SLCO1B1: variants seen among roughly 807,000 people sequenced by gnomAD.
SLCO1B1 encodes the protein solute carrier organic anion transporter family member 1B1.
Under a neutral mutation model 70.1 loss-of-function variants are expected in SLCO1B1, and 81 were observed. The observed-to-expected ratio is 1.16, with a 90% confidence interval of 0.97 to 1.39. SLCO1B1 has a LOEUF of 1.39. Ranked by LOEUF, SLCO1B1 falls within the 40% of genes most tolerant of loss-of-function variation. SLCO1B1 has a pLI of 0.00. For synonymous variants in SLCO1B1, 283 were observed against 271.5 expected (o/e 1.04, Z -0.42); for missense variants, 895 against 799.6 (o/e 1.12, Z -1.44).
At chr12:21,238,517 G>C in intron 14 of SLCO1B1, among the ~76,000 whole-genome samples, 1 of 150,946 alleles carries the variant, frequency 6.6e-6, no homozygotes, top group East Asian at 1.9e-4. Context: ...TTTCATTACA[G>C]TTAAGCATAA....
At chr12:21,147,893 T>C (rs1355287421) in intron 2 of SLCO1B1, among the ~76,000 whole-genome samples, 1 of 152,224 alleles carries the variant, frequency 6.6e-6, no homozygotes, top group Non-Finnish European at 1.5e-5. Context: ...GACTTTTTAA[T>C]GATCGCTTCC....
intron 14 of SLCO1B1, among the ~76,000 whole-genome samples, chr12:21,235,611 T>C (rs1243858997): frequency 6.6e-6 from 1 of 151,990 alleles, no homozygotes. Context: ...GCTTTATAGT[T>C]GCAATTGTGT....
chr12:21,136,101 G>T (rs1940217041), intron 1 of SLCO1B1, among the ~76,000 whole-genome samples: 1 of 152,100 alleles, frequency 6.6e-6, no homozygotes, highest in African/African-American at 2.4e-5. Flanking sequence ...GCTTCGTTTG[G>T]CTGGATATGA....
At chr12:21,153,911 A>G (rs1940506001) in intron 2 of SLCO1B1, among the ~76,000 whole-genome samples, 1 of 151,986 alleles carries the variant, frequency 6.6e-6, no homozygotes, top group Admixed American at 6.6e-5. Flanking sequence ...TACTATCACG[A>G]AGAATTTCTT....
chr12:21,133,180 C>T (rs1371571909), intron 1 of SLCO1B1, among the ~76,000 whole-genome samples: 1 of 152,028 alleles, frequency 6.6e-6, no homozygotes, highest in South Asian at 2.1e-4. Context: ...CTGTTCTGTT[C>T]CATTGGTCTA....
intron 14 of SLCO1B1, among the ~76,000 whole-genome samples, chr12:21,226,180 C>T (rs1485895391): frequency 6.6e-6 from 1 of 151,948 alleles, no homozygotes; most frequent in Non-Finnish European, 1.5e-5. Flanking sequence ...TTTGGGAGGC[C>T]AAGGTGGGAG....
At position 21,210,615 on chromosome 12, in the gene SLCO1B1, AT is replaced by A. The variant is rs541330630; in HGVS notation, c.1497+4583del. ...TGTGAAGAAAGTCATTGGTAGCTTG[AT>A]GGGGATGACATTGAATCTGTAAATT... On this transcript the variant is annotated intron_variant, in intron 11 of 14. Coordinates refer to ENST00000256958, the MANE Select transcript of SLCO1B1 (RefSeq NM_006446.5). Among the ~76,000 whole-genome samples the A allele has an allele frequency of 3.3e-3, 499 of 150,412 alleles. 4 individuals are homozygous for A. Among genetic ancestry groups the A allele is most frequent in the African/African-American group, 0.012 (469 of 40,716 alleles).
rs55901008 is a variant in SLCO1B1, at chr12:21,200,595, T to A, written c.1058T>A (p.Ile353Asn). ...LLTLLQVSSY[I>N]GAFTYVFKYV... is the part of the protein sequence containing the mutation. ...ACGTTGTTACAAGTAAGCAGCTATA[T>A]TGGTGCTTTTACTTATGTCTTCAAA... The change falls in exon 9 of 15, where the codon ATT becomes AAT. Residue 353 changes from isoleucine (I) to asparagine (N), a missense_variant. Transcript: ENST00000256958. The A allele has an allele frequency of 1.2e-6, 2 of 1,612,224 alleles. No homozygotes were observed. The highest frequency in any genetic ancestry group is 1.7e-6 in the Non-Finnish European group (2 of 1,178,808).
chr12:21,178,955 T>G lies in SLCO1B1; in HGVS notation c.662T>G (p.Ile221Ser), dbSNP rs139691245. The G allele has an allele frequency of 2.5e-6, 4 of 1,612,324 alleles. No individual in the cohort carries two copies. In the South Asian group the frequency reaches 4.4e-5, roughly 18 times the overall value. The change falls in exon 7 of 15, where the codon ATC becomes AGC. Residue 221 changes from isoleucine to serine, a missense_variant. Coordinates refer to ENST00000256958, the MANE Select transcript of SLCO1B1 (RefSeq NM_006446.5). ...ILNAIAMIGP[I>S]IGFTLGSLFS... ...AATGCAATAGCAATGATTGGTCCAA[T>G]CATTGGCTTTACCCTGGGATCTCTG...
intron 2 of SLCO1B1, among the ~76,000 whole-genome samples, chr12:21,147,372 G>A (rs999068551): frequency 1.3e-5 from 2 of 152,038 alleles, no homozygotes; most frequent in African/African-American, 4.8e-5. Context: ...ATGCCATGGT[G>A]GTTTGCTGCA....
At chr12:21,220,071 T>C (rs1365205202) in intron 12 of SLCO1B1, among the ~76,000 whole-genome samples, 1 of 152,190 alleles carries the variant, frequency 6.6e-6, no homozygotes, top group East Asian at 1.9e-4. Flanking sequence ...TTTGTTTTAT[T>C]TTTTAATGCA....
rs551814245 is a variant in SLCO1B1 at position 21,215,906 on chromosome 12, G to C, written c.1498-1213G>C. ...ATTTGGAACTCTATATTAGTGTTCA[G>C]GGTTTCAATTACTCTTTGTTCGTCT... On this transcript the variant is annotated intron_variant, in intron 11 of 14. Coordinates refer to ENST00000256958, the MANE Select transcript of SLCO1B1 (RefSeq NM_006446.5). Among the ~76,000 whole-genome samples, 6 of 152,170 alleles carry C rather than the reference G, an allele frequency of 3.9e-5. No homozygotes were observed. The East Asian group carries it at 1.2e-3, about 30-fold the overall frequency.
chr12:21,188,700 C>A (rs1196532623), intron 7 of SLCO1B1, among the ~76,000 whole-genome samples: 1 of 152,074 alleles, frequency 6.6e-6, no homozygotes, highest in Non-Finnish European at 1.5e-5. Context: ...ATACCTCCCC[C>A]CTCTCTTCTT....
chr12:21,211,738 A>G (rs145948311), intron 11 of SLCO1B1, among the ~76,000 whole-genome samples: 16,586 of 152,116 alleles, frequency 0.11, 1,568 homozygotes, highest in East Asian at 0.28. Context: ...ACAATTTCAG[A>G]TCCTGTTATT....
chr12:21,173,002 T>C (rs1323136187), intron 3 of SLCO1B1, among the ~76,000 whole-genome samples: 3 of 152,216 alleles, frequency 2.0e-5, no homozygotes, highest in Admixed American at 6.5e-5. Context: ...TACTGCTAAA[T>C]ATTCTATAAT....
At position 21,222,372 on chromosome 12, in the gene SLCO1B1, G is replaced by GGAAA. The variant is rs1211931540; in HGVS notation, c.1747+8_1747+9insGAAA. Reference sequence around the variant, plus strand: ...TGGTTATACGAGCACTAGGTATGATGAAAAAAAAAAAAAAAAAAAAAAAAA... The same window carrying GGAAA: ...TGGTTATACGAGCACTAGGTATGATGGAAAAAAAAAAAAAAAAAAAAAAAAAAAA... On this transcript the variant is annotated intron_variant, in intron 13 of 14. Coordinates refer to ENST00000256958, the MANE Select transcript of SLCO1B1 (RefSeq NM_006446.5). The GGAAA allele has an allele frequency of 8.8e-4, 22 of 24,928 alleles. 2 individuals are homozygous for GGAAA. Among genetic ancestry groups the GGAAA allele is most frequent in the Admixed American group, 1.0e-3 (1 of 988 alleles). 1.5% of individuals were successfully genotyped at this position (24,928 alleles called of 1,614,324 possible).
At chr12:21,157,373 A>G (rs73244881) in intron 2 of SLCO1B1, among the ~76,000 whole-genome samples, 3,955 of 152,142 alleles carry the variant, frequency 0.026, 197 homozygotes, top group African/African-American at 0.09. Flanking sequence ...AAATAAAGAG[A>G]GCCTACTCTT....
At chr12:21,218,147 G>T (rs544830327) in intron 12 of SLCO1B1, among the ~76,000 whole-genome samples, 1 of 152,224 alleles carries the variant, frequency 6.6e-6, no homozygotes, top group South Asian at 2.1e-4. Context: ...AGAGGGTCTT[G>T]GTGCTGACGC....
chr12:21,219,399 A>G (rs773451431), intron 12 of SLCO1B1, among the ~76,000 whole-genome samples: 2 of 152,138 alleles, frequency 1.3e-5, no homozygotes, highest in Non-Finnish European at 2.9e-5. Flanking sequence ...TGACATGTAC[A>G]AGGTCCAAAA....
Sources: gnomAD v4.1 joint callset for allele counts (sites outside exome capture counted in the v4.1 genomes callset) on GRCh38, gnomAD v4.1.1 for gene constraint, MANE v1.5 for transcripts, NCBI Gene and HGNC (gene_info 2026-07-23, HGNC 2026-07-21) for gene names.